Variants in NOX4 observed in about 807,000 individuals in gnomAD.
NOX4 encodes the protein NADPH oxidase 4, also known as kidney oxidase-1.
NOX4 carries 69 observed loss-of-function variants against 87.6 expected under a neutral mutation model. The ratio of observed to expected loss-of-function variants is 0.79; its 90% CI spans 0.65 to 0.96. NOX4 has a LOEUF of 0.96. NOX4 is among the 40% of genes least tolerant of loss of function. The pLI is 0.00. For synonymous variants in NOX4, 275 were observed against 238.2 expected (o/e 1.15, Z -1.42); for missense variants, 680 against 681.5 (o/e 1.00, Z 0.02).
chr11:89,450,728 CT>C (rs1159424506), intron 3 of NOX4, among the ~76,000 whole-genome samples: 1 of 145,110 alleles, frequency 6.9e-6, no homozygotes, highest in Non-Finnish European at 1.5e-5. Flanking sequence ...CCCCCTCCCC[CT>C]GACATCACTA....
chr11:89,503,105 A>C (rs1312274056), upstream of NOX4, among the ~76,000 whole-genome samples: 1 of 152,016 alleles, frequency 6.6e-6, no homozygotes, highest in African/African-American at 2.4e-5. Context: ...TGGAAGAACA[A>C]CAGTAGAGTA....
chr11:89,399,737 T>A (rs1193084549), intron 11 of NOX4, among the ~76,000 whole-genome samples: 1 of 151,652 alleles, frequency 6.6e-6, no homozygotes, highest in Non-Finnish European at 1.5e-5. Context: ...AGTGCTGGGA[T>A]TACAGGCCTG....
intron 6 of NOX4, among the ~76,000 whole-genome samples, chr11:89,439,203 T>C (rs1944352037): frequency 6.6e-6 from 1 of 150,674 alleles, no homozygotes; most frequent in Non-Finnish European, 1.5e-5. Flanking sequence ...AAAATAATAT[T>C]AAACAAAGCT....
intron 8 of NOX4, among the ~76,000 whole-genome samples, chr11:89,413,056 G>A (rs1322211324): frequency 6.6e-6 from 1 of 152,070 alleles, no homozygotes; most frequent in African/African-American, 2.4e-5. Context: ...CATACAAATA[G>A]CAAACAGGTA....
At chr11:89,489,436 A>T (rs2135494366) in intron 2 of NOX4, among the ~76,000 whole-genome samples, 1 of 152,276 alleles carries the variant, frequency 6.6e-6, no homozygotes, top group Non-Finnish European at 1.5e-5. Context: ...TGCTTAGAAA[A>T]TGCAATCTCA....
the NOX4 span, chr11:89,577,632 G>T: frequency 1.3e-5 from 2 of 152,084 alleles, no homozygotes; most frequent in Non-Finnish European, 2.9e-5. Flanking sequence ...ACTGACCTGG[G>T]ATTCAGCTCC....
chr11:89,478,207 A>G lies in NOX4; in HGVS notation c.153+12251T>C, dbSNP rs549116714. On this transcript the variant is annotated intron_variant, in intron 2 of 17. Coordinates refer to ENST00000263317, the MANE Select transcript of NOX4 (RefSeq NM_016931.5). ...TTCCCTGCCCCTGTCCCCTGACAAA[A>G]AAAAATCTTATAAGCGATATATTAG... 3.3e-5 allele frequency among the ~76,000 whole-genome samples: 5 copies of G among 152,268 alleles called. No homozygotes were observed. In the South Asian group the frequency reaches 1.0e-3, roughly 32 times the overall value.
intron 8 of NOX4, among the ~76,000 whole-genome samples, chr11:89,420,036 C>T (rs1222216030): frequency 2.6e-5 from 4 of 152,036 alleles, no homozygotes; most frequent in Admixed American, 2.0e-4. Context: ...TAAACAAATA[C>T]TAACATCAAA....
intron 6 of NOX4, among the ~76,000 whole-genome samples, chr11:89,436,869 A>G (rs1010051825): frequency 6.6e-6 from 1 of 152,232 alleles, no homozygotes; most frequent in South Asian, 2.1e-4. Context: ...CCTTAATTGG[A>G]ATGTTTATAA....
At chr11:89,425,304 C>A (rs1943316196) in intron 7 of NOX4, among the ~76,000 whole-genome samples, 1 of 149,926 alleles carries the variant, frequency 6.7e-6, no homozygotes, top group African/African-American at 2.5e-5. Flanking sequence ...AGTGTTCTTA[C>A]AATTTGACTC....
chr11:89,411,949 C>T (rs2136512), intron 8 of NOX4, among the ~76,000 whole-genome samples: 88,087 of 151,840 alleles, frequency 0.58, 27,861 homozygotes, highest in African/African-American at 0.83. Context: ...AAGATACACA[C>T]AGACTGAAAA....
At chr11:89,423,358 T>C (rs1382305871) in intron 7 of NOX4, among the ~76,000 whole-genome samples, 1 of 152,056 alleles carries the variant, frequency 6.6e-6, no homozygotes, top group East Asian at 1.9e-4. Context: ...TTTCTGTTTA[T>C]AATCATTACC....
rs1328226894 is a variant in NOX4, at chr11:89,344,599, C to T, written c.1218-2406G>A. On this transcript the variant is annotated intron_variant, in intron 13 of 17. Coordinates refer to ENST00000263317, the MANE Select transcript of NOX4 (RefSeq NM_016931.5). ...ATGCCTGAGACTCTTACCTCAGAAA[C>T]CTAAAATAAGCTATATTAACAATGG... Among the ~76,000 whole-genome samples the T allele has an allele frequency of 2.0e-5, 3 of 152,200 alleles. No homozygotes were observed. The East Asian group carries it at 5.8e-4, about 29-fold the overall frequency.
At chr11:89,540,592 C>T in the NOX4 span, among the ~76,000 whole-genome samples, 1 of 151,564 alleles carries the variant, frequency 6.6e-6, no homozygotes, top group African/African-American at 2.4e-5. Flanking sequence ...TCCAGACCAT[C>T]CTGGCTAACA....
At chr11:89,536,038 G>C in the NOX4 span, among the ~76,000 whole-genome samples, 1 of 150,526 alleles carries the variant, frequency 6.6e-6, no homozygotes, top group Non-Finnish European at 1.5e-5. Flanking sequence ...TTTTCTTTCT[G>C]ATCATGTTAG....
At chr11:89,412,067 A>T (rs547412878) in intron 8 of NOX4, among the ~76,000 whole-genome samples, 1 of 152,300 alleles carries the variant, frequency 6.6e-6, no homozygotes, top group Admixed American at 6.5e-5. Flanking sequence ...CCATAAGAAG[A>T]GACCAAAAAA....
At chr11:89,327,661 T>A (rs2135355628) in intron 17 of NOX4, among the ~76,000 whole-genome samples, 1 of 152,290 alleles carries the variant, frequency 6.6e-6, no homozygotes, top group Non-Finnish European at 1.5e-5. Context: ...TTTCATCTCA[T>A]ATCTTGGGAA....
At chr11:89,449,601 T>C in intron 3 of NOX4, 77 bp from the exon 4 acceptor site, 1 of 1,151,056 alleles carries the variant, frequency 8.7e-7, no homozygotes, top group Non-Finnish European at 1.3e-6. Flanking sequence ...CATTGTTCAT[T>C]ATGTCAAAAT....
At chr11:89,504,629 G>A in the NOX4 span, among the ~76,000 whole-genome samples, 2 of 152,058 alleles carry the variant, frequency 1.3e-5, no homozygotes, top group Admixed American at 6.6e-5. Flanking sequence ...AGATGATTCC[G>A]TATTCAACTG....
Sources: allele counts gnomAD v4.1 joint callset (sites outside exome capture counted in the v4.1 genomes callset), GRCh38; gene constraint gnomAD v4.1.1; transcripts MANE v1.5; gene names NCBI Gene and HGNC (gene_info 2026-07-23, HGNC 2026-07-21).